The following AVEN variants were observed in gnomAD, a reference collection of about 807,000 sequenced individuals.
AVEN encodes the protein apoptosis and caspase activation inhibitor, also known as cell death regulator Aven.
AVEN carries 41 observed loss-of-function variants against 38.1 expected under a neutral mutation model. The ratio of observed to expected loss-of-function variants is 1.08; its 90% CI spans 0.84 to 1.40. AVEN has a LOEUF of 1.40. AVEN is among the 40% of genes most tolerant of loss of function. The pLI, the probability that AVEN is intolerant of heterozygous loss-of-function variation, is 0.00. For missense variants in AVEN, 605 were observed against 438.8 expected (o/e 1.38, Z -3.38); for synonymous variants, 206 against 171.8 (o/e 1.20, Z -1.56).
chr15:33,905,483 C>A (rs1359214023), intron 2 of AVEN, among the ~76,000 whole-genome samples: 1 of 152,194 alleles, frequency 6.6e-6, no homozygotes, highest in Non-Finnish European at 1.5e-5. Context: ...GCCTATCCCT[C>A]AATGCCAAAC....
chr15:33,864,694 T>G (rs1440669420), downstream of AVEN: 1 of 176,820 alleles, frequency 5.7e-6, no homozygotes, highest in African/African-American at 2.4e-5. Flanking sequence ...AGTTATCAAA[T>G]ATTCAAACAT....
chr15:34,031,662 G>C (rs957222386), intron 1 of AVEN, among the ~76,000 whole-genome samples: 3 of 152,026 alleles, frequency 2.0e-5, no homozygotes, highest in Non-Finnish European at 2.9e-5. Context: ...TGTGCTGTTT[G>C]CACACACACC....
At chr15:34,042,494 A>G (rs2702317), upstream of AVEN, among the ~76,000 whole-genome samples, 147,375 of 150,766 alleles carry the variant, frequency 0.98, 72,119 homozygotes, top group East Asian at 1. Flanking sequence ...TCTGCCTCCC[A>G]GGTTCAAGCG....
In AVEN at chr15:33,942,506, A is replaced by C. The variant is rs1041075351; in HGVS notation, c.445+60526T>G. ...CGCTCTGTTGCCCAGGCTGGAGTGC[A>C]GTGGTGCGATCTCTGCTCACTGCAA... On this transcript the variant is annotated intron_variant, in intron 2 of 5. Coordinates refer to ENST00000306730, the MANE Select transcript of AVEN (RefSeq NM_020371.3). 1.4e-4 allele frequency among the ~76,000 whole-genome samples: 21 copies of C among 151,768 alleles called. 1 individual carries two copies. Among genetic ancestry groups the C allele is most frequent in the African/African-American group, 3.9e-4 (16 of 41,324 alleles).
intron 2 of AVEN, among the ~76,000 whole-genome samples, chr15:33,945,469 T>G (rs1188425723): frequency 1.3e-5 from 2 of 152,184 alleles, no homozygotes; most frequent in Non-Finnish European, 2.9e-5. Context: ...ATTCCAAAAT[T>G]TATAGTACTC....
intron 2 of AVEN, among the ~76,000 whole-genome samples, chr15:33,916,451 G>C (rs1461224381): frequency 6.6e-6 from 1 of 152,022 alleles, no homozygotes; most frequent in Non-Finnish European, 1.5e-5. Context: ...CTGACAAAAG[G>C]ACTAATAACC....
At chr15:34,031,361 G>A (rs958377492) in intron 1 of AVEN, among the ~76,000 whole-genome samples, 1 of 151,846 alleles carries the variant, frequency 6.6e-6, no homozygotes, top group African/African-American at 2.4e-5. Context: ...TTCTAATAGC[G>A]ACAGGGTTTC....
intron 2 of AVEN, among the ~76,000 whole-genome samples, chr15:33,943,823 TAAAAAAA>T (rs71119905): frequency 3.4e-5 from 3 of 88,864 alleles, no homozygotes; most frequent in Non-Finnish European, 6.4e-5. Flanking sequence ...ACTCCGTCTT[TAAAAAAA>T]AAAAAAAAAA....
At chr15:34,033,287 C>T (rs532258092) in intron 1 of AVEN, among the ~76,000 whole-genome samples, 1 of 152,230 alleles carries the variant, frequency 6.6e-6, no homozygotes, top group South Asian at 2.1e-4. Flanking sequence ...GGGCGGACTG[C>T]CTGACCTCAG....
intron 1 of AVEN, among the ~76,000 whole-genome samples, chr15:34,020,246 G>C (rs1028893948): frequency 2.6e-5 from 4 of 151,850 alleles, no homozygotes; most frequent in African/African-American, 7.3e-5. Flanking sequence ...GGGAGGCGGA[G>C]CTTGCAGTTA....
chr15:33,940,295 T>C (rs1894263607), intron 2 of AVEN, among the ~76,000 whole-genome samples: 1 of 152,234 alleles, frequency 6.6e-6, no homozygotes, highest in Non-Finnish European at 1.5e-5. Flanking sequence ...AGGCAGCTAT[T>C]AACTTTCCAA....
chr15:34,059,553 T>C lies in AVEN; in HGVS notation n.1637+3369A>G, dbSNP rs1335907319. ...TCTTAGGTCCTCTCCTGTCCCTCCT[T>C]CTCCTGCCAGCCTCTCCAGTTTCAC... is the stretch of plus-strand genomic sequence containing the variant. On this transcript the variant is annotated intron_variant and non_coding_transcript_variant, in intron 5 of 11. Coordinates refer to the AVEN transcript ENST00000675287. Among the ~76,000 whole-genome samples, 4 of 152,118 alleles carry C rather than the reference T, an allele frequency of 2.6e-5. No individual in the cohort carries two copies. The East Asian group carries it at 5.8e-4, about 22-fold the overall frequency.
At chr15:33,861,843 T>G (rs1490903316), downstream of AVEN, among the ~76,000 whole-genome samples, 5 of 152,194 alleles carry the variant, frequency 3.3e-5, no homozygotes, top group Admixed American at 6.5e-5. Context: ...CAGGCTGGTC[T>G]TGAACTCCTG....
chr15:33,990,934 T>C (rs568102549), intron 2 of AVEN: 1 of 152,224 alleles, frequency 6.6e-6, no homozygotes, highest in Non-Finnish European at 1.5e-5. Flanking sequence ...AAAATACAGA[T>C]AAAACTAAAA....
chr15:33,970,552 T>C (rs893964268), intron 2 of AVEN, among the ~76,000 whole-genome samples: 2 of 151,966 alleles, frequency 1.3e-5, no homozygotes, highest in African/African-American at 2.4e-5. Context: ...CCCTTAAGGG[T>C]TCTTTTCATC....
chr15:34,015,037 C>T (rs980446231), intron 1 of AVEN, among the ~76,000 whole-genome samples: 2 of 152,064 alleles, frequency 1.3e-5, no homozygotes, highest in Non-Finnish European at 2.9e-5. Flanking sequence ...AGTCCTGAAG[C>T]CTGAAAAGCT....
intron 2 of AVEN, among the ~76,000 whole-genome samples, chr15:33,945,682 T>C (rs1046767554): frequency 4.6e-5 from 7 of 151,726 alleles, no homozygotes; most frequent in Non-Finnish European, 8.8e-5. Context: ...ACCTCCCGAG[T>C]TCAAGCGAGT....
At chr15:33,861,947 A>T (rs1272145626), downstream of AVEN, among the ~76,000 whole-genome samples, 1 of 152,108 alleles carries the variant, frequency 6.6e-6, no homozygotes, top group Non-Finnish European at 1.5e-5. Context: ...CCCAGTACCT[A>T]GAACAATGCC....
intron 2 of AVEN, among the ~76,000 whole-genome samples, chr15:34,002,099 CATAAT>C (rs1051051281): frequency 5.3e-5 from 8 of 152,096 alleles, no homozygotes; most frequent in East Asian, 1.9e-4. Flanking sequence ...TTTGCAAAAC[CATAAT>C]ATAATATCAC....
Sources: allele counts gnomAD v4.1 joint callset (sites outside exome capture counted in the v4.1 genomes callset), GRCh38; gene constraint gnomAD v4.1.1; transcripts MANE v1.5; gene names NCBI Gene and HGNC (gene_info 2026-07-23, HGNC 2026-07-21).